Variants in GMDS observed in about 807,000 individuals in gnomAD.
GMDS encodes GDP-mannose 4,6-dehydratase.
In GMDS, 20 loss-of-function variants were observed where a neutral mutation model predicts 49.9. The ratio of observed to expected loss-of-function variants is 0.40; its 90% CI spans 0.28 to 0.58. The LOEUF (loss-of-function observed/expected upper bound fraction) is 0.58, where lower values mean the gene tolerates loss of function less well. Among genes scored for constraint, GMDS ranks in the 20% least tolerant of loss-of-function variants. The pLI is 0.42. For missense variants in GMDS, 362 were observed against 481.4 expected (o/e 0.75, Z 2.32); for synonymous variants, 177 against 178.6 (o/e 0.99, Z 0.07).
chr6:2,150,537 C>T (rs905489263), intron 1 of GMDS, among the ~76,000 whole-genome samples: 5 of 152,150 alleles, frequency 3.3e-5, no homozygotes, highest in Admixed American at 2.0e-4. Context: ...CCATTTATAA[C>T]AATGTCCTGT....
At chr6:2,192,400 C>T (rs1290325115) in intron 1 of GMDS, among the ~76,000 whole-genome samples, 2 of 152,246 alleles carry the variant, frequency 1.3e-5, no homozygotes, top group African/African-American at 2.4e-5. Context: ...AAGACAAGAA[C>T]TCAGGACCCA....
chr6:1,917,384 T>C (rs188476416), intron 7 of GMDS, among the ~76,000 whole-genome samples: 150 of 152,324 alleles, frequency 9.8e-4, no homozygotes, highest in African/African-American at 3.4e-3. Flanking sequence ...CTCCTTTCAA[T>C]GTCAGCCTTT....
intron 1 of GMDS, among the ~76,000 whole-genome samples, chr6:2,150,437 C>T (rs991064643): frequency 5.3e-5 from 8 of 152,166 alleles, no homozygotes; most frequent in Middle Eastern, 3.4e-3. Context: ...AAGTGGAATG[C>T]CTCTGGCTAT....
intron 7 of GMDS, among the ~76,000 whole-genome samples, chr6:1,898,050 C>CT (rs1480162171): frequency 9.9e-6 from 1 of 101,266 alleles, no homozygotes; most frequent in African/African-American, 3.8e-5. Context: ...CCTGGCCTCC[C>CT]TTGCCATCCT....
chr6:2,061,548 C>T (rs368948894), intron 4 of GMDS, among the ~76,000 whole-genome samples: 1 of 151,790 alleles, frequency 6.6e-6, no homozygotes, highest in African/African-American at 2.4e-5. Flanking sequence ...AAAACCCTAT[C>T]TCTACTAAAA....
chr6:2,200,544 A>G (rs945293526), intron 1 of GMDS, among the ~76,000 whole-genome samples: 2 of 149,086 alleles, frequency 1.3e-5, no homozygotes, highest in Non-Finnish European at 3.0e-5. Context: ...GTTAGCAGAG[A>G]GGTGAAGGAT....
rs78745355 is a variant in GMDS, at chr6:1,945,043, T to G, written c.644-14813A>C. 2.6e-5 allele frequency among the ~76,000 whole-genome samples: 4 copies of G among 152,194 alleles called. No individual in the cohort carries two copies. The East Asian group carries it at 5.8e-4, about 22-fold the overall frequency. On this transcript the variant is annotated intron_variant, in intron 6 of 10. Coordinates refer to ENST00000380815, the MANE Select transcript of GMDS (RefSeq NM_001500.4). The stretch of plus-strand genomic sequence containing the variant: ...AATTATTGATTTGGACTTCAAGCAG[T>G]TTTTCAAGAAGGGTCAGACTCCAAG...
chr6:1,726,419 T>A lies in GMDS; in HGVS notation c.984A>T (p.Glu328Asp). Residue 328 changes from glutamate to aspartate, a missense_variant, in exon 9 of 11, where the codon GAA becomes GAT. Transcript: ENST00000380815. ...TGGGTGGCCAGAGAGTCCTTACCAC[T>A]TCAGTTGGCCGGTAGTACTTGAGAT... The part of the protein sequence containing the change: ...TVDLKYYRPT[E>D]VDFLQGDCTK... The A allele has an allele frequency of 6.2e-7, 1 of 1,609,712 alleles. No individual in the cohort carries two copies. The highest frequency in any genetic ancestry group is 8.5e-7 in the Non-Finnish European group (1 of 1,175,912).
intron 7 of GMDS, among the ~76,000 whole-genome samples, chr6:1,869,762 G>A (rs567496715): frequency 1.6e-4 from 24 of 152,332 alleles, no homozygotes; most frequent in Non-Finnish European, 2.4e-4. Context: ...ACCACAGTGC[G>A]GAAAAGGAAC....
intron 9 of GMDS, among the ~76,000 whole-genome samples, chr6:1,655,753 C>A (rs1252795369): frequency 1.3e-5 from 2 of 152,220 alleles, no homozygotes; most frequent in Non-Finnish European, 2.9e-5. Flanking sequence ...GATCTGCCCA[C>A]CTCAGCCTCC....
intron 1 of GMDS, among the ~76,000 whole-genome samples, chr6:2,235,125 C>CA (rs1421313022): frequency 1.3e-5 from 2 of 150,732 alleles, no homozygotes; most frequent in South Asian, 2.1e-4. Context: ...AACTCCATCT[C>CA]AAAAAAAACA....
chr6:1,972,263 T>TC (rs545725943), intron 4 of GMDS, among the ~76,000 whole-genome samples: 1 of 38,790 alleles, frequency 2.6e-5, no homozygotes, highest in East Asian at 7.8e-4. Context: ...TGGGTTTTTG[T>TC]TTTTTTTTTT....
rs554697422 is a variant in GMDS at position 1,766,983 on chromosome 6, C to T, written c.772-24397G>A. Among the ~76,000 whole-genome samples, 1 of 152,188 alleles carries T rather than the reference C, an allele frequency of 6.6e-6. No individual in the cohort carries two copies. The highest frequency in any genetic ancestry group is 1.5e-5 in the Non-Finnish European group (1 of 68,034). ...ATCGAGCAGGGATCCCCAAACCTTC[C>T]TCTCACACCACAGCTGTAGGGCACA... is the stretch of plus-strand genomic sequence containing the variant. On this transcript the variant is annotated intron_variant, in intron 7 of 10. Coordinates refer to ENST00000380815, the MANE Select transcript of GMDS (RefSeq NM_001500.4). This position sits in a 1 kb window ranked among gnomAD's most constrained non-coding sequence, Gnocchi z 4.5.
chr6:1,685,766 G>A (rs142102366), intron 9 of GMDS, among the ~76,000 whole-genome samples: 1,727 of 152,270 alleles, frequency 0.011, 13 homozygotes, highest in Non-Finnish European at 0.017. Flanking sequence ...AAGGAATGGA[G>A]GGGCACAGGA....
rs1006585502 is a variant in GMDS at position 1,766,143 on chromosome 6, C to T, written c.772-23557G>A. On this transcript the variant is annotated intron_variant, in intron 7 of 10. Coordinates refer to ENST00000380815, the MANE Select transcript of GMDS (RefSeq NM_001500.4). The surrounding 1 kb of genome is among the most constrained non-coding windows in gnomAD (Gnocchi z 4.5). ...CAGGATGATTCATGGATTCGCTGCC[C>T]GTCTGTTTAAATGTAATACTCTTTC... is the stretch of plus-strand genomic sequence containing the variant. Among the ~76,000 whole-genome samples, 2 of 152,074 alleles carry T rather than the reference C, an allele frequency of 1.3e-5. No homozygotes were observed. Among genetic ancestry groups the T allele is most frequent in the Non-Finnish European group, 2.9e-5 (2 of 68,012 alleles).
chr6:2,183,946 CTACAG>C (rs775659457), intron 1 of GMDS, among the ~76,000 whole-genome samples: 6 of 152,156 alleles, frequency 3.9e-5, no homozygotes, highest in Non-Finnish European at 7.4e-5. Context: ...ACTTAATAGA[CTACAG>C]TACAGTGTCA....
intron 9 of GMDS, among the ~76,000 whole-genome samples, chr6:1,674,249 T>C (rs1764522992): frequency 2.6e-5 from 4 of 152,220 alleles, no homozygotes; most frequent in Admixed American, 2.6e-4. Flanking sequence ...ATGGTTGTTT[T>C]AGTTTAAATT....
chr6:2,207,148 G>A (rs1406872448), intron 1 of GMDS, among the ~76,000 whole-genome samples: 1 of 152,064 alleles, frequency 6.6e-6, no homozygotes, highest in African/African-American at 2.4e-5. Flanking sequence ...GCTGATTACG[G>A]GGTCAACAAT....
chr6:2,090,918 T>G (rs1773281965), intron 4 of GMDS, among the ~76,000 whole-genome samples: 1 of 152,236 alleles, frequency 6.6e-6, no homozygotes, highest in Non-Finnish European at 1.5e-5. Context: ...GATAAATATT[T>G]GGAAATTCCA....
Sources: gnomAD v4.1 joint callset for allele counts (sites outside exome capture counted in the v4.1 genomes callset) on GRCh38, gnomAD v4.1.1 for gene constraint, Gnocchi (gnomAD v3.1) non-coding constraint, MANE v1.5 for transcripts, NCBI Gene and HGNC (gene_info 2026-07-23, HGNC 2026-07-21) for gene names.